Variants in ZPBP observed in about 807,000 individuals in gnomAD.
ZPBP encodes the protein zona pellucida-binding protein 1.
A neutral mutation model predicts 44.8 loss-of-function variants in ZPBP; 26 were observed. The ratio of observed to expected loss-of-function variants is 0.58; its 90% CI spans 0.43 to 0.81. ZPBP has a LOEUF of 0.81. Among genes scored for constraint, ZPBP ranks in the 30% least tolerant of loss-of-function variants. The pLI is 0.00. For synonymous variants in ZPBP, 174 were observed against 153.2 expected, an observed-to-expected ratio of 1.14 and a Z score of -1.00; for missense variants, 409 against 434.0, an observed-to-expected ratio of 0.94 and a Z score of 0.51.
chr7:49,990,447 G>A (rs1249526082), intron 6 of ZPBP, among the ~76,000 whole-genome samples: 1 of 152,074 alleles, frequency 6.6e-6, no homozygotes. Flanking sequence ...CATATACCCT[G>A]GATATTCACT....
chr7:49,988,889 C>T (rs1797438478), intron 6 of ZPBP, among the ~76,000 whole-genome samples: 1 of 152,174 alleles, frequency 6.6e-6, no homozygotes, highest in Admixed American at 6.5e-5. Context: ...TTGATTGGAA[C>T]ATTGCTGATC....
intron 4 of ZPBP, among the ~76,000 whole-genome samples, chr7:50,048,575 C>T (rs1229699155): frequency 6.6e-6 from 1 of 151,778 alleles, no homozygotes; most frequent in African/African-American, 2.4e-5. Context: ...TAACAGACTC[C>T]TAAATAATCA....
intron 4 of ZPBP, among the ~76,000 whole-genome samples, chr7:50,048,879 A>G (rs1327519968): frequency 6.6e-6 from 1 of 152,040 alleles, no homozygotes; most frequent in Admixed American, 6.6e-5. Flanking sequence ...AATAGTGAAA[A>G]TCAATGAAAC....
At chr7:50,051,396 C>A (rs1800687687) in intron 4 of ZPBP, among the ~76,000 whole-genome samples, 1 of 152,076 alleles carries the variant, frequency 6.6e-6, no homozygotes, top group Non-Finnish European at 1.5e-5. Context: ...AGATCTACAA[C>A]CAGAAATGCC....
At chr7:49,997,306 A>C (rs1167445386) in intron 6 of ZPBP, among the ~76,000 whole-genome samples, 2 of 152,198 alleles carry the variant, frequency 1.3e-5, no homozygotes, top group Non-Finnish European at 2.9e-5. Context: ...TTCTAACTCC[A>C]TGAGCTACAA....
intron 2 of ZPBP, among the ~76,000 whole-genome samples, chr7:50,084,732 T>C (rs1474457527): frequency 2.0e-5 from 3 of 151,924 alleles, no homozygotes; most frequent in African/African-American, 4.8e-5. Context: ...TATTATACAA[T>C]AAAAGAAAAT....
chr7:49,938,814 T>C (rs906271213), intron 7 of ZPBP, among the ~76,000 whole-genome samples: 1 of 152,218 alleles, frequency 6.6e-6, no homozygotes, highest in Non-Finnish European at 1.5e-5. Context: ...ATTCTTTTTC[T>C]AGCATCATGA....
intron 6 of ZPBP, among the ~76,000 whole-genome samples, chr7:49,993,853 G>A (rs566108889): frequency 1.9e-3 from 106 of 55,176 alleles, no homozygotes; most frequent in Non-Finnish European, 2.6e-3. Flanking sequence ...TGAGCACATT[G>A]GGACATGACT....
intron 3 of ZPBP, among the ~76,000 whole-genome samples, chr7:50,075,092 A>G (rs1323909377): frequency 6.6e-6 from 1 of 152,052 alleles, no homozygotes; most frequent in Non-Finnish European, 1.5e-5. Context: ...ACAATGGAAT[A>G]AAACTAGAAA....
chr7:50,092,791 T>G, intron 1 of ZPBP: 4 of 351,830 alleles, frequency 1.1e-5, no homozygotes, highest in East Asian at 6.8e-5. Context: ...ATGGACTGAA[T>G]TGGGGAGTTT....
At chr7:49,870,182 C>T (rs769611525) in intron 2 of ZPBP, among the ~76,000 whole-genome samples, 4 of 152,068 alleles carry the variant, frequency 2.6e-5, no homozygotes, top group Non-Finnish European at 5.9e-5. Context: ...GGGCGGATCA[C>T]GAGGTCAGGA....
chr7:50,018,367 T>C, intron 5 of ZPBP, 51 bp from the exon 6 acceptor site: 1 of 1,350,152 alleles, frequency 7.4e-7, no homozygotes. Flanking sequence ...TCTGTCACAA[T>C]ATTTAAATTG....
intron 2 of ZPBP, among the ~76,000 whole-genome samples, chr7:49,858,734 AAG>A (rs1282683444): frequency 6.6e-6 from 1 of 152,168 alleles, no homozygotes; most frequent in Non-Finnish European, 1.5e-5. Context: ...ATACATAAGA[AAG>A]AGAACACAAT....
At chr7:50,060,399 GC>G (rs1294128632) in intron 3 of ZPBP, among the ~76,000 whole-genome samples, 1 of 151,980 alleles carries the variant, frequency 6.6e-6, no homozygotes, top group Non-Finnish European at 1.5e-5. Context: ...AACACATAAG[GC>G]TGGTAGACTG....
At chr7:49,950,585 AT>A (rs1486433286) in intron 7 of ZPBP, among the ~76,000 whole-genome samples, 1 of 151,782 alleles carries the variant, frequency 6.6e-6, no homozygotes, top group African/African-American at 2.4e-5. Flanking sequence ...TGTATTTTAT[AT>A]GTGTTAATAT....
chr7:50,068,530 T>C (rs915255360), intron 3 of ZPBP, among the ~76,000 whole-genome samples: 3 of 152,156 alleles, frequency 2.0e-5, no homozygotes, highest in Admixed American at 6.5e-5. Context: ...CAGCCGGCTT[T>C]CAAACTCCTG....
chr7:50,065,611 T>C (rs974051111), intron 3 of ZPBP, among the ~76,000 whole-genome samples: 1 of 150,916 alleles, frequency 6.6e-6, no homozygotes, highest in African/African-American at 2.5e-5. Context: ...AGTGATCTTG[T>C]GGCATTAATT....
At position 50,043,193 on chromosome 7, in the gene ZPBP, G is replaced by T. The variant is rs952233154; in HGVS notation, c.488-11883C>A. On this transcript the variant is annotated intron_variant, in intron 4 of 7. Coordinates refer to ENST00000046087, the MANE Select transcript of ZPBP (RefSeq NM_007009.3). ...GTCCCATCCCTTTGTTTCCCGTTAA[G>T]TAATACTTTTAATCTATAATCTATA... 3.9e-5 allele frequency among the ~76,000 whole-genome samples: 6 copies of T among 152,208 alleles called. No individual in the cohort carries two copies. In the South Asian group the frequency reaches 1.0e-3, roughly 26 times the overall value.
intron 4 of ZPBP, among the ~76,000 whole-genome samples, chr7:50,035,625 T>G (rs1373294026): frequency 6.6e-6 from 1 of 152,084 alleles, no homozygotes; most frequent in Non-Finnish European, 1.5e-5. Flanking sequence ...ACTGAAAATC[T>G]TATATGGGAA....
Sources: allele counts gnomAD v4.1 joint callset (sites outside exome capture counted in the v4.1 genomes callset), GRCh38; gene constraint gnomAD v4.1.1; transcripts MANE v1.5; gene names NCBI Gene and HGNC (gene_info 2026-07-23, HGNC 2026-07-21).